RTN4IP1: variants seen among roughly 807,000 people sequenced by gnomAD.
RTN4IP1 encodes the protein reticulon 4 interacting protein 1.
RTN4IP1 carries 32 observed loss-of-function variants against 46.6 expected under a neutral mutation model. The ratio of observed to expected loss-of-function variants is 0.69; its 90% confidence interval spans 0.52 to 0.92. The LOEUF (loss-of-function observed/expected upper bound fraction) is 0.92, where lower values mean the gene tolerates loss of function less well. RTN4IP1 is among the 40% of genes least tolerant of loss of function. RTN4IP1 has a pLI of 0.00. For synonymous variants in RTN4IP1, 167 were observed against 161.8 expected, an observed-to-expected ratio of 1.03 and a Z score of -0.24; for missense variants, 424 against 485.8, an observed-to-expected ratio of 0.87 and a Z score of 1.20.
Position 106,583,318 on chromosome 6 carries a change from G to C in RTN4IP1, c.1083+10C>G. ...AAAGGCTTCCAATCCAGGTTTCCAG[G>C]TGCACGTACCTTTCCCGCATCCACC... On this transcript the variant is annotated intron_variant, in intron 8 of 8. Coordinates refer to ENST00000369063, the MANE Select transcript of RTN4IP1 (RefSeq NM_032730.5). 1 of 1,609,876 alleles carries C rather than the reference G, an allele frequency of 6.2e-7. No individual in the cohort carries two copies. The highest frequency in any genetic ancestry group is 8.5e-7 in the Non-Finnish European group (1 of 1,176,738).
intron 5 of RTN4IP1, among the ~76,000 whole-genome samples, chr6:106,595,658 C>T (rs1318303346): frequency 6.6e-6 from 1 of 151,834 alleles, no homozygotes. Flanking sequence ...CCACCACGCC[C>T]GGCTAATTCT....
chr6:106,577,716 T>C (rs755409407), intron 8 of RTN4IP1, among the ~76,000 whole-genome samples: 15 of 152,116 alleles, frequency 9.9e-5, no homozygotes, highest in Non-Finnish European at 1.9e-4. Flanking sequence ...TCCTGGATTA[T>C]CCAAGTGGGC....
At chr6:106,572,144 A>G (rs1319699199) in intron 8 of RTN4IP1, 41 bp from the exon 9 acceptor site, 18 of 1,474,254 alleles carry the variant, frequency 1.2e-5, no homozygotes, top group East Asian at 2.3e-5. Flanking sequence ...AAAAAAGCCT[A>G]CATCTTTCAA....
At chr6:106,629,769 A>C, upstream of RTN4IP1, 1 of 1,562,344 alleles carries the variant, frequency 6.4e-7, no homozygotes, top group Non-Finnish European at 8.7e-7. Context: ...TTCGTTGACA[A>C]AGAGTCCCTG....
intron 8 of RTN4IP1, chr6:106,572,420 C>A: frequency 3.8e-6 from 1 of 261,712 alleles, no homozygotes; most frequent in Admixed American, 5.0e-5. Context: ...ATCCTGAGCT[C>A]AGCCCTCATC....
chr6:106,629,348 T>TC lies in RTN4IP1; in HGVS notation c.-328dup. On this transcript the variant is annotated 5_prime_UTR_variant, in exon 1 of 9. Coordinates refer to ENST00000369063, the MANE Select transcript of RTN4IP1 (RefSeq NM_032730.5). ...AAAGCAGGTGCGCAAACCCCCTAGA[T>TC]CCCTGCCCTGTCCTGGGAGCCCTCG... 1 of 553,000 alleles carries TC rather than the reference T, an allele frequency of 1.8e-6. No homozygotes were observed. The highest frequency in any genetic ancestry group is 3.1e-5 in the East Asian group (1 of 32,168). 34.3% of individuals were successfully genotyped at this position (553,000 alleles called of 1,614,324 possible). A position where few individuals can be genotyped will look rare whatever the true frequency, so the allele number is the denominator to read the frequency against.
intron 1 of RTN4IP1, 65 bp from the exon 2 acceptor site, chr6:106,623,034 G>A: frequency 6.6e-7 from 1 of 1,509,178 alleles, no homozygotes; most frequent in South Asian, 1.2e-5. Context: ...AACTACTACA[G>A]GGTTATAGTC....
chr6:106,603,343 G>C (rs1304727419), intron 4 of RTN4IP1, among the ~76,000 whole-genome samples: 1 of 152,108 alleles, frequency 6.6e-6, no homozygotes, highest in Non-Finnish European at 1.5e-5. Flanking sequence ...TCTCACCAAA[G>C]CGAAATAAAC....
At chr6:106,607,836 T>C (rs541654210) in intron 4 of RTN4IP1, 1 of 150,228 alleles carries the variant, frequency 6.7e-6, no homozygotes, top group Non-Finnish European at 1.5e-5. Flanking sequence ...CAAAAAAAAA[T>C]AAATATTGGA....
At position 106,597,079 on chromosome 6, in the gene RTN4IP1, T is replaced by C. The variant is rs906147244; in HGVS notation, c.670-4779A>G. ...TTCTTTTTTCTTTAAAGGCCAGTAA[T>C]TTCACTATAATTTTTCTCCACATTT... On this transcript the variant is annotated intron_variant, in intron 5 of 8. Coordinates refer to ENST00000369063, the MANE Select transcript of RTN4IP1 (RefSeq NM_032730.5). Among the ~76,000 whole-genome samples, 5 of 152,314 alleles carry C rather than the reference T, an allele frequency of 3.3e-5. 1 individual carries two copies. The Middle Eastern group carries it at 0.01, about 311-fold the overall frequency.
At chr6:106,598,620 C>T (rs530014715) in intron 5 of RTN4IP1, among the ~76,000 whole-genome samples, 71 of 152,048 alleles carry the variant, frequency 4.7e-4, no homozygotes, top group African/African-American at 1.4e-3. Flanking sequence ...GAGTAGGTTG[C>T]GAAAATTTTC....
At chr6:106,589,163 G>A in intron 6 of RTN4IP1, among the ~76,000 whole-genome samples, 1 of 57,078 alleles carries the variant, frequency 1.8e-5, no homozygotes, top group Non-Finnish European at 3.6e-5. Context: ...GGAAGGAGGA[G>A]GAGGCGGTGG....
At chr6:106,588,478 A>G (rs1469352033) in intron 6 of RTN4IP1, among the ~76,000 whole-genome samples, 1 of 152,222 alleles carries the variant, frequency 6.6e-6, no homozygotes, top group Admixed American at 6.5e-5. Flanking sequence ...GCATCAGGAC[A>G]ATGCAAAAGG....
upstream of RTN4IP1, chr6:106,629,716 T>C (rs1325449022): frequency 2.5e-6 from 4 of 1,603,766 alleles, no homozygotes; most frequent in African/African-American, 1.3e-5. Context: ...GTGAGTGGAA[T>C]TGGCCCGCTG....
intron 4 of RTN4IP1, among the ~76,000 whole-genome samples, chr6:106,616,025 C>T (rs2126397): frequency 0.6 from 90,369 of 151,822 alleles, 28,759 homozygotes; most frequent in South Asian, 0.75. Flanking sequence ...TTCAAATGAT[C>T]CTCCTGCCTC....
intron 7 of RTN4IP1, among the ~76,000 whole-genome samples, chr6:106,584,011 CATCTAT>C (rs1241141722): frequency 6.6e-6 from 1 of 152,206 alleles, no homozygotes; most frequent in Non-Finnish European, 1.5e-5. Context: ...AAAGCCATCT[CATCTAT>C]TACAGGGCAA....
At chr6:106,577,245 G>A (rs1019366404) in intron 8 of RTN4IP1, among the ~76,000 whole-genome samples, 4 of 151,858 alleles carry the variant, frequency 2.6e-5, no homozygotes, top group African/African-American at 9.7e-5. Flanking sequence ...GACCAGCTTG[G>A]GCAACATGGC....
intron 3 of RTN4IP1, among the ~76,000 whole-genome samples, chr6:106,620,001 TAAG>T (rs753144537): frequency 6.6e-6 from 1 of 152,202 alleles, no homozygotes; most frequent in Non-Finnish European, 1.5e-5. Flanking sequence ...TCCCTTATTA[TAAG>T]AATACAGTAT....
At chr6:106,596,485 G>A (rs893426933) in intron 5 of RTN4IP1, among the ~76,000 whole-genome samples, 1 of 152,174 alleles carries the variant, frequency 6.6e-6, no homozygotes, top group Admixed American at 6.5e-5. Context: ...TCAGGAGTTT[G>A]GGGTGAGAGG....
Sources: allele counts gnomAD v4.1 joint callset (sites outside exome capture counted in the v4.1 genomes callset), GRCh38; gene constraint gnomAD v4.1.1; transcripts MANE v1.5; gene names NCBI Gene and HGNC (gene_info 2026-07-23, HGNC 2026-07-21).